JADE3: variants seen among roughly 807,000 people sequenced by gnomAD.
The protein encoded by JADE3 is jade family PHD finger 3, also known as protein Jade-3.
Under a neutral mutation model 50.1 loss-of-function variants are expected in JADE3, and 2 were observed. The observed-to-expected ratio is 0.04, with a 90% CI of 0.02 to 0.13. The LOEUF is 0.13. JADE3 is among the 10% of genes least tolerant of loss of function. The pLI is 1.00. For missense variants in JADE3, 475 were observed against 634.4 expected (o/e 0.75, Z 2.70); for synonymous variants, 218 against 232.9 (o/e 0.94, Z 0.58).
chrX:47,044,923 CAT>C (rs1929341100), intron 8 of JADE3, among the ~76,000 whole-genome samples: 1 of 111,378 alleles, frequency 9.0e-6, no homozygotes, highest in Admixed American at 9.6e-5. Flanking sequence ...AAATCAAAAA[CAT>C]ACAACAGATA....
chrX:46,916,709 A>G (rs1293095394), intron 1 of JADE3, among the ~76,000 whole-genome samples: 1 of 112,204 alleles, frequency 8.9e-6, no homozygotes, highest in Admixed American at 9.5e-5. Flanking sequence ...TTCAGCAAAC[A>G]TGTATTAAAT....
chrX:47,039,200 G>A (rs186309457), intron 8 of JADE3, 135 bp downstream of exon 8: 40 of 404,394 alleles, frequency 9.9e-5, no homozygotes, highest in African/African-American at 8.4e-4. Context: ...GCCATTGTAC[G>A]GACCATTTCT....
chrX:47,026,203 A>G (rs191577820), intron 5 of JADE3, among the ~76,000 whole-genome samples: 1 of 112,261 alleles, frequency 8.9e-6, no homozygotes, highest in Non-Finnish European at 1.9e-5. Flanking sequence ...TAATATCCAT[A>G]GCTATCACAA....
Position 47,058,706 on chromosome X carries a change from C to G in JADE3, c.2101C>G (p.Gln701Glu). ...EPVFSPHLVSQGSFRKSTVEH... is the reference protein window; with the variant it reads ...EPVFSPHLVSEGSFRKSTVEH... ...TGTGTTCAGCCCCCACTTGGTCAGT[C>G]AGGGCAGCTTTAGAAAATCCACTGT... Residue 701 changes from glutamine (Q) to glutamate (E), a missense_variant, in exon 11 of 11, where the codon CAG becomes GAG. By Grantham distance (29) the Gln-to-Glu change is conservative. Transcript: ENST00000614628. The G allele has an allele frequency of 8.3e-7, 1 of 1,211,052 alleles. No homozygotes were observed. The highest frequency in any genetic ancestry group is 1.1e-6 in the Non-Finnish European group (1 of 895,103).
intron 3 of JADE3, among the ~76,000 whole-genome samples, chrX:46,995,607 T>C (rs1183176033): frequency 1.8e-5 from 2 of 112,369 alleles, no homozygotes; most frequent in Non-Finnish European, 3.7e-5. Context: ...CGGGATTTGC[T>C]ATAGTTATTT....
intron 1 of JADE3, among the ~76,000 whole-genome samples, chrX:46,940,865 A>G (rs781889358): frequency 8.9e-6 from 1 of 112,124 alleles, no homozygotes; most frequent in African/African-American, 3.2e-5. Flanking sequence ...TTACCCACTG[A>G]AATTTAAGCT....
At chrX:46,921,920 CT>C (rs60470575) in intron 1 of JADE3, among the ~76,000 whole-genome samples, 19,121 of 98,314 alleles carry the variant, frequency 0.19, 1,706 homozygotes, top group East Asian at 0.36. Context: ...TGCTGTAATC[CT>C]TTTTTTTTTT....
At chrX:46,977,725 G>T (rs1362503643) in intron 1 of JADE3, among the ~76,000 whole-genome samples, 1 of 111,872 alleles carries the variant, frequency 8.9e-6, no homozygotes, top group Non-Finnish European at 1.9e-5. Context: ...GGAGAAACCT[G>T]TAAGGGGAAG....
intron 1 of JADE3, among the ~76,000 whole-genome samples, chrX:46,921,957 A>G (rs1926231091): frequency 9.5e-6 from 1 of 105,001 alleles, no homozygotes; most frequent in African/African-American, 3.5e-5. Flanking sequence ...TCTGGGATAC[A>G]TGTACAGAAT....
intron 4 of JADE3, among the ~76,000 whole-genome samples, chrX:47,020,066 C>T (rs950960585): frequency 1.8e-5 from 2 of 111,880 alleles, no homozygotes; most frequent in African/African-American, 3.2e-5. Context: ...CGCGGTGGCT[C>T]ACGCCTGTAA....
chrX:46,917,880 TCTCTCATC>T (rs1556336892), intron 1 of JADE3, among the ~76,000 whole-genome samples: 19 of 100,102 alleles, frequency 1.9e-4, no homozygotes, highest in Non-Finnish European at 3.0e-4. Context: ...TCTCTCTCTC[TCTCTCATC>T]CTCTCTCTCT....
At chrX:47,034,078 C>A (rs782635534) in intron 7 of JADE3, among the ~76,000 whole-genome samples, 2 of 110,641 alleles carry the variant, frequency 1.8e-5, no homozygotes, top group East Asian at 5.7e-4. Flanking sequence ...TTGGGTATAT[C>A]ATGTATAAAT....
rs184605220 is a variant in JADE3, at chrX:46,968,755, C to T, written c.-11-16129C>T. Among the ~76,000 whole-genome samples, 413 of 110,119 alleles carry T rather than the reference C, an allele frequency of 3.8e-3. 2 individuals are homozygous for T. Among genetic ancestry groups the T allele is most frequent in the Non-Finnish European group, 4.0e-3 (210 of 52,644 alleles). ...CATAGCAATTTTAAATGTGTATGCA[C>T]CACATAACAGAGCTTCAAAGAACAC... is the stretch of plus-strand genomic sequence containing the variant. On this transcript the variant is annotated intron_variant, in intron 1 of 10. Coordinates refer to ENST00000614628, the MANE Select transcript of JADE3 (RefSeq NM_014735.5).
intron 1 of JADE3, among the ~76,000 whole-genome samples, chrX:46,969,647 G>A (rs1602388917): frequency 8.9e-6 from 1 of 112,158 alleles, no homozygotes; most frequent in Admixed American, 9.4e-5. Flanking sequence ...GACCAGCCTG[G>A]CCAACATGGC....
chrX:46,954,788 C>G (rs1556346012), intron 1 of JADE3, among the ~76,000 whole-genome samples: 1 of 111,729 alleles, frequency 9.0e-6, no homozygotes, highest in Non-Finnish European at 1.9e-5. Flanking sequence ...CTCCTGACCT[C>G]AAGTGATCTG....
chrX:46,996,755 G>C, intron 3 of JADE3, among the ~76,000 whole-genome samples: 1 of 111,872 alleles, frequency 8.9e-6, no homozygotes, highest in Admixed American at 9.5e-5. Flanking sequence ...AGCCCACTTG[G>C]ATATTCCAGA....
chrX:46,997,142 A>G, intron 3 of JADE3, among the ~76,000 whole-genome samples: 1 of 111,649 alleles, frequency 9.0e-6, no homozygotes, highest in East Asian at 2.8e-4. Context: ...CCACAGCACC[A>G]TCTTTCCCAA....
At chrX:46,999,406 T>TATATATAACATATATATAC (rs1192106902) in intron 4 of JADE3, among the ~76,000 whole-genome samples, 2 of 103,698 alleles carry the variant, frequency 1.9e-5, no homozygotes, top group Admixed American at 1.1e-4. Flanking sequence ...TTTATATATA[T>TATATATAACATATATATAC]ATATATAACA....
chrX:47,023,170 A>G (rs1556364849), intron 4 of JADE3, among the ~76,000 whole-genome samples: 1 of 111,348 alleles, frequency 9.0e-6, no homozygotes, highest in East Asian at 2.8e-4. Flanking sequence ...GGTTTGTTAC[A>G]TAAATAAACG....
Sources: allele counts gnomAD v4.1 joint callset (sites outside exome capture counted in the v4.1 genomes callset), GRCh38; gene constraint gnomAD v4.1.1; transcripts MANE v1.5; gene names NCBI Gene and HGNC (gene_info 2026-07-23, HGNC 2026-07-21).